Variants in SORCS2 observed in about 807,000 individuals in gnomAD.
The protein encoded by SORCS2 is VPS10 domain-containing receptor SorCS2.
Under a neutral mutation model 141.6 loss-of-function variants are expected in SORCS2, and 100 were observed. The ratio of observed to expected loss-of-function variants is 0.71; its 90% CI spans 0.60 to 0.83. The LOEUF (loss-of-function observed/expected upper bound fraction) is 0.83, where lower values mean the gene tolerates loss of function less well. Ranked by LOEUF, SORCS2 falls within the 40% of genes least tolerant of loss-of-function variation. The pLI is 0.00. For synonymous variants in SORCS2, 789 were observed against 676.9 expected, an observed-to-expected ratio of 1.17 and a Z score of -2.57; for missense variants, 1,646 against 1,560.2, an observed-to-expected ratio of 1.05 and a Z score of -0.93.
At chr4:7,507,516 G>A (rs1328472970) in intron 2 of SORCS2, among the ~76,000 whole-genome samples, 1 of 152,116 alleles carries the variant, frequency 6.6e-6, no homozygotes, top group Non-Finnish European at 1.5e-5. Context: ...AAGTGTCTAA[G>A]AATAGAAAAA....
chr4:7,719,687 C>G lies in SORCS2; in HGVS notation c.2424+1504C>G, dbSNP rs565469072. Among the ~76,000 whole-genome samples, 454 of 152,312 alleles carry G rather than the reference C, an allele frequency of 3.0e-3. 3 individuals carry two copies. The highest frequency in any genetic ancestry group is 0.01 in the Middle Eastern group (3 of 292). ...GCCCCGCCTGTCCCGCTTGGACCCT[C>G]AGAGTAGACCCCGCTGCGGCTGCCC... On this transcript the variant is annotated intron_variant, in intron 18 of 26. Coordinates refer to ENST00000507866, the MANE Select transcript of SORCS2 (RefSeq NM_020777.3).
At chr4:7,639,029 C>G (rs926253341) in intron 4 of SORCS2, among the ~76,000 whole-genome samples, 1 of 152,046 alleles carries the variant, frequency 6.6e-6, no homozygotes, top group Non-Finnish European at 1.5e-5. Flanking sequence ...GAGCGGGGGG[C>G]CAGCCTGGTG....
chr4:7,433,050 T>G, intron 2 of SORCS2: 3 of 313,632 alleles, frequency 9.6e-6, no homozygotes, highest in East Asian at 5.1e-5. Context: ...GCCTTGGAGA[T>G]GAGAGGGCAG....
intron 1 of SORCS2, among the ~76,000 whole-genome samples, chr4:7,305,455 G>A (rs905833327): frequency 4.6e-5 from 7 of 151,484 alleles, no homozygotes; most frequent in African/African-American, 7.3e-5. Flanking sequence ...GAGACATGGC[G>A]TGGCCCTCAC....
intron 2 of SORCS2, among the ~76,000 whole-genome samples, chr4:7,462,151 C>G (rs756839609): frequency 6.6e-6 from 1 of 152,190 alleles, no homozygotes; most frequent in Non-Finnish European, 1.5e-5. Context: ...CCCTGGGCTC[C>G]GAGGTGGGGA....
intron 2 of SORCS2, among the ~76,000 whole-genome samples, chr4:7,492,443 T>C (rs534534614): frequency 1.3e-5 from 2 of 152,356 alleles, no homozygotes; most frequent in East Asian, 3.9e-4. Flanking sequence ...GATTCCGCGG[T>C]GTGGATACAC....
intron 2 of SORCS2, among the ~76,000 whole-genome samples, chr4:7,498,305 G>A (rs1486186834): frequency 6.6e-6 from 1 of 152,226 alleles, no homozygotes; most frequent in East Asian, 1.9e-4. Context: ...GCTGATGTGG[G>A]GATCGCAACC....
intron 1 of SORCS2, among the ~76,000 whole-genome samples, chr4:7,349,270 G>T (rs1044550316): frequency 1.3e-5 from 2 of 152,212 alleles, no homozygotes; most frequent in East Asian, 3.9e-4. Context: ...GGGAGCAGAA[G>T]GCCCCTCTGC....
Position 7,325,560 on chromosome 4 carries a change from C to T in SORCS2, c.481-70728C>T, listed in dbSNP as rs140561771. 2.1e-3 allele frequency among the ~76,000 whole-genome samples: 319 copies of T among 152,316 alleles called. 2 individuals carry two copies. Among genetic ancestry groups the T allele is most frequent in the South Asian group, 0.01 (50 of 4,820 alleles). On this transcript the variant is annotated intron_variant, in intron 1 of 26. Coordinates refer to ENST00000507866, the MANE Select transcript of SORCS2 (RefSeq NM_020777.3). ...GGGCACCCTAAGGGCCTAAATGGGG[C>T]TGGGGGCAGCTCCGTGGAACTCAAT...
chr4:7,342,061 G>A lies in SORCS2; in HGVS notation c.481-54227G>A, dbSNP rs1215139548. ...CTTTTTCATGGCTGAGTAATATTCC[G>A]TGGTGTGAATAGACCACATTTTGTG... On this transcript the variant is annotated intron_variant, in intron 1 of 26. Coordinates refer to ENST00000507866, the MANE Select transcript of SORCS2 (RefSeq NM_020777.3). Among the ~76,000 whole-genome samples the A allele has an allele frequency of 5.9e-5, 9 of 152,274 alleles. No homozygotes were observed. In the East Asian group the frequency reaches 1.2e-3, roughly 20 times the overall value.
At chr4:7,632,695 C>T (rs147073348) in intron 3 of SORCS2, among the ~76,000 whole-genome samples, 6 of 152,308 alleles carry the variant, frequency 3.9e-5, no homozygotes, top group Admixed American at 6.5e-5. Context: ...CAGAGCCCCC[C>T]GGCTGTGTGT....
intron 14 of SORCS2, among the ~76,000 whole-genome samples, chr4:7,709,034 G>A (rs1209970868): frequency 6.6e-6 from 1 of 152,204 alleles, no homozygotes; most frequent in Non-Finnish European, 1.5e-5. Context: ...GGATGGTCCT[G>A]CCTTTTCCTG....
At chr4:7,584,132 A>C (rs975835680) in intron 3 of SORCS2, among the ~76,000 whole-genome samples, 6 of 152,242 alleles carry the variant, frequency 3.9e-5, no homozygotes, top group African/African-American at 1.4e-4. Flanking sequence ...GTTGGATCCT[A>C]ATATAGAATC....
intron 1 of SORCS2, among the ~76,000 whole-genome samples, chr4:7,221,148 A>G (rs1728680763): frequency 2.0e-5 from 3 of 152,178 alleles, no homozygotes; most frequent in Non-Finnish European, 2.9e-5. Context: ...TGGGTTGACA[A>G]GATGTCCCCA....
intron 18 of SORCS2, among the ~76,000 whole-genome samples, chr4:7,722,835 C>T (rs552030827): frequency 2.0e-5 from 3 of 152,298 alleles, no homozygotes; most frequent in East Asian, 1.9e-4. Flanking sequence ...CAACTTACAA[C>T]GTTTGGCTGG....
chr4:7,338,824 C>A (rs1720187170), intron 1 of SORCS2, among the ~76,000 whole-genome samples: 1 of 152,242 alleles, frequency 6.6e-6, no homozygotes, highest in Non-Finnish European at 1.5e-5. Flanking sequence ...ATTCCTCTGG[C>A]CCAGAGGCCT....
At chr4:7,609,114 C>T (rs1419432973) in intron 3 of SORCS2, among the ~76,000 whole-genome samples, 2 of 152,086 alleles carry the variant, frequency 1.3e-5, no homozygotes, top group African/African-American at 2.4e-5. Flanking sequence ...AGGGCACAGG[C>T]GTGGGGTCAG....
intron 2 of SORCS2, among the ~76,000 whole-genome samples, chr4:7,444,150 G>A (rs759766984): frequency 9.9e-5 from 15 of 152,184 alleles, no homozygotes; most frequent in African/African-American, 2.2e-4. Context: ...ATTTTCATAC[G>A]CGTATTCAGC....
intron 1 of SORCS2, among the ~76,000 whole-genome samples, chr4:7,305,785 G>A (rs1228412688): frequency 6.6e-6 from 1 of 152,204 alleles, no homozygotes; most frequent in Non-Finnish European, 1.5e-5. Context: ...AGGTGTCCCT[G>A]GGCTGGGCCC....
Sources: gnomAD v4.1 joint callset for allele counts (sites outside exome capture counted in the v4.1 genomes callset) on GRCh38, gnomAD v4.1.1 for gene constraint, MANE v1.5 for transcripts, NCBI Gene and HGNC (gene_info 2026-07-23, HGNC 2026-07-21) for gene names.